The following ZDHHC11 variants were observed in gnomAD, a reference collection of about 807,000 sequenced individuals.
ZDHHC11 encodes palmitoyltransferase ZDHHC11.
ZDHHC11 carries 44 observed loss-of-function variants against 51.3 expected under a neutral mutation model. The observed-to-expected ratio is 0.86, with a 90% CI of 0.67 to 1.10. The LOEUF is 1.10. Ranked by LOEUF, ZDHHC11 falls within the 50% of genes least tolerant of loss-of-function variation. The pLI is 0.00. For missense variants in ZDHHC11, 400 were observed against 537.7 expected, an observed-to-expected ratio of 0.74 and a Z score of 2.53; for synonymous variants, 163 against 222.0, an observed-to-expected ratio of 0.73 and a Z score of 2.36.
intron 9 of ZDHHC11, among the ~76,000 whole-genome samples, chr5:821,554 T>C (rs909820767): frequency 1.3e-5 from 2 of 151,066 alleles, no homozygotes; most frequent in Admixed American, 6.6e-5. Context: ...AGGGCTGATG[T>C]GCAGCTCCCA....
intron 5 of ZDHHC11, 54 bp from the exon 6 acceptor site, chr5:837,534 G>A (rs1458175705): frequency 2.9e-5 from 45 of 1,575,714 alleles, no homozygotes; most frequent in African/African-American, 1.8e-4. Context: ...GGCTTTGCAC[G>A]GCGCCCACAG....
At chr5:804,991 T>G (rs1739041723) in intron 11 of ZDHHC11, among the ~76,000 whole-genome samples, 2 of 151,404 alleles carry the variant, frequency 1.3e-5, no homozygotes, top group Admixed American at 6.6e-5. Context: ...GGTTTGTAAC[T>G]CTTTTTTTCT....
rs202190534 is a variant in ZDHHC11, at chr5:850,587, C to T, written c.16G>A (p.Gly6Arg). The T allele has an allele frequency of 2.3e-4, 364 of 1,613,200 alleles. 3 individuals carry two copies. The highest frequency in any genetic ancestry group is 1.2e-4 in the Admixed American group (7 of 60,002). Residue 6 changes from glycine (G) to arginine (R), a missense_variant, in exon 1 of 13, where the codon GGG (glycine) becomes AGG (arginine). By Grantham distance (125) the Gly-to-Arg change is moderately radical. Transcript: ENST00000283441. ...TCTGGGGTGACGGAACACTGGCTCC[C>T]GGAGCGGGTGTCCATCTGCAGGACA... MDTRS[G>R]SQCSVTPEAI...
intron 10 of ZDHHC11, among the ~76,000 whole-genome samples, chr5:818,238 C>T (rs183548143): frequency 6.6e-5 from 10 of 151,208 alleles, no homozygotes; most frequent in Non-Finnish European, 1.2e-4. Flanking sequence ...TGCATGTGGA[C>T]GATTGCAGGC....
At chr5:860,161 GGAC>G (rs749726352), upstream of ZDHHC11, among the ~76,000 whole-genome samples, 6 of 152,214 alleles carry the variant, frequency 3.9e-5, no homozygotes, top group Non-Finnish European at 8.8e-5. The surrounding 1 kb of genome is among the most constrained non-coding windows in gnomAD (Gnocchi z 4.2). Flanking sequence ...CGGGTGCCCA[GGAC>G]GACATGGGGG....
At position 796,034 on chromosome 5, in the gene ZDHHC11, C is replaced by G. The variant is rs1478079947; in HGVS notation, c.*554G>C. 2 of 155,970 alleles carry G rather than the reference C, an allele frequency of 1.3e-5. No homozygotes were observed. The highest frequency in any genetic ancestry group is 1.5e-5 in the Non-Finnish European group (1 of 68,924). The allele number at this position is 155,970 out of a possible 1,614,324, so 9.7% of individuals were successfully genotyped here. On this transcript the variant is annotated 3_prime_UTR_variant, in exon 13 of 13. Transcript: ENST00000283441. ...TTCTCAGTACTGTGCTCCCACTTCT[C>G]AGTACTGTGCTCCCACTTCCCAGTA...
chr5:802,817 C>A (rs1276204486), intron 11 of ZDHHC11, among the ~76,000 whole-genome samples: 1 of 23,540 alleles, frequency 4.2e-5, no homozygotes, highest in African/African-American at 1.1e-4. Context: ...ACTAAAAATA[C>A]AAAAATACAA....
At chr5:824,312 T>C (rs1257167257) in intron 8 of ZDHHC11, among the ~76,000 whole-genome samples, 3 of 112,588 alleles carry the variant, frequency 2.7e-5, no homozygotes, top group Admixed American at 9.0e-5. Flanking sequence ...AAAAAATAAA[T>C]TGGCTGGGCG....
chr5:815,902 C>A lies in ZDHHC11; in HGVS notation c.1147-1107G>T, dbSNP rs1267573284. On this transcript the variant is annotated intron_variant, in intron 10 of 12. Transcript: ENST00000283441. ...GGGATTTCAGGCATGAGCCACTGTGCCTGGCTTATCTTGTTGATCATTTTT... is the reference window on the plus strand; with the variant it reads ...GGGATTTCAGGCATGAGCCACTGTGACTGGCTTATCTTGTTGATCATTTTT... Among the ~76,000 whole-genome samples, 2 of 151,602 alleles carry A rather than the reference C, an allele frequency of 1.3e-5. 1 individual carries two copies. Among genetic ancestry groups the A allele is most frequent in the Non-Finnish European group, 3.0e-5 (2 of 67,782 alleles).
intron 1 of ZDHHC11, 140 bp downstream of exon 1, chr5:850,241 C>T: frequency 2.0e-6 from 2 of 980,684 alleles, no homozygotes; most frequent in Non-Finnish European, 1.5e-6. Context: ...GGCCCACCTG[C>T]AGGCTCAGGG....
At chr5:836,176 G>C (rs1356176281) in intron 6 of ZDHHC11, among the ~76,000 whole-genome samples, 1 of 150,018 alleles carries the variant, frequency 6.7e-6, no homozygotes, top group East Asian at 1.9e-4. Flanking sequence ...AGGTACACAG[G>C]GTGCTTTCCT....
In ZDHHC11 at chr5:850,922, AT is replaced by A; in HGVS notation, c.-321del. The A allele has an allele frequency of 2.3e-6, 1 of 437,696 alleles. No homozygotes were observed. Among genetic ancestry groups the A allele is most frequent in the Non-Finnish European group, 4.0e-6 (1 of 252,240 alleles). The allele number at this position is 437,696 out of a possible 1,614,324, so 27.1% of individuals were successfully genotyped here. A position where few individuals can be genotyped will look rare whatever the true frequency, so the allele number is the denominator to read the frequency against. ...CGACCGCCCATCAGTTCCCCTGAGGATTTGTTACGTTCTGGGGAGTGCTCGA... is the reference window on the plus strand; with the variant it reads ...CGACCGCCCATCAGTTCCCCTGAGGATTGTTACGTTCTGGGGAGTGCTCGA... On this transcript the variant is annotated 5_prime_UTR_variant, in exon 1 of 13. Coordinates refer to ENST00000283441, the MANE Select transcript of ZDHHC11 (RefSeq NM_024786.3).
intron 5 of ZDHHC11, among the ~76,000 whole-genome samples, chr5:838,826 T>C (rs1328930581): frequency 2.7e-5 from 4 of 150,124 alleles, no homozygotes; most frequent in Non-Finnish European, 5.9e-5. Context: ...CCAGCTTCTC[T>C]GCAGCACAAG....
chr5:810,760 G>A (rs1344105582), intron 11 of ZDHHC11, among the ~76,000 whole-genome samples: 3 of 151,488 alleles, frequency 2.0e-5, no homozygotes, highest in Admixed American at 6.6e-5. Context: ...TTGTAAACTC[G>A]TGTGGTGTTG....
In ZDHHC11 at chr5:836,913, C is replaced by A. The variant is rs1402313529; in HGVS notation, c.900+452G>T. On this transcript the variant is annotated intron_variant, in intron 6 of 12. Coordinates refer to ENST00000283441, the MANE Select transcript of ZDHHC11 (RefSeq NM_024786.3). The stretch of plus-strand genomic sequence containing the variant: ...CTCTACTAAAAATACAAAAATTAGT[C>A]GGGCGTAGTGGCATACATCTGTGAT... 1.4e-5 allele frequency among the ~76,000 whole-genome samples: 2 copies of A among 145,542 alleles called. 1 individual carries two copies. Among genetic ancestry groups the A allele is most frequent in the African/African-American group, 5.1e-5 (2 of 39,002 alleles).
intron 12 of ZDHHC11, among the ~76,000 whole-genome samples, chr5:797,422 A>C (rs1420181561): frequency 5.9e-5 from 9 of 151,600 alleles, no homozygotes; most frequent in African/African-American, 1.5e-4. Context: ...TCTTTCTAGG[A>C]CTCTAAACAT....
chr5:819,488 C>G, intron 10 of ZDHHC11, 37 bp downstream of exon 10: 1 of 1,586,782 alleles, frequency 6.3e-7, no homozygotes, highest in Non-Finnish European at 8.7e-7. Context: ...TGCACATGGC[C>G]CTGTCCTCGG....
exon 1 of ZDHHC11, among the ~76,000 whole-genome samples, chr5:858,965 GACC>G (rs1748647249): frequency 6.6e-6 from 1 of 152,082 alleles, no homozygotes; most frequent in Admixed American, 6.6e-5. Context: ...GCTAACTCCA[GACC>G]AAAGTGAGAA....
rs370597860 is a variant in ZDHHC11 at position 849,936 on chromosome 5, G to A, written c.222+445C>T. 4.8e-4 allele frequency: 87 copies of A among 181,256 alleles called. 2 individuals are homozygous for A. The South Asian group carries it at 7.2e-3, about 15-fold the overall frequency. The allele number at this position is 181,256 out of a possible 1,614,324, so 11.2% of individuals were successfully genotyped here. ...GAGTTCAGGGTTGACAGCCATCTCC[G>A]CAGGGCAGCCCAGAGGCCCTCGCAG... On this transcript the variant is annotated intron_variant, in intron 1 of 12. Coordinates refer to ENST00000283441, the MANE Select transcript of ZDHHC11 (RefSeq NM_024786.3).
Sources: gnomAD v4.1 joint callset for allele counts (sites outside exome capture counted in the v4.1 genomes callset) on GRCh38, gnomAD v4.1.1 for gene constraint, Gnocchi (gnomAD v3.1) non-coding constraint, MANE v1.5 for transcripts, NCBI Gene and HGNC (gene_info 2026-07-23, HGNC 2026-07-21) for gene names.